Variants in BNC2 observed in about 807,000 individuals in gnomAD.
BNC2 encodes the protein basonuclin zinc finger protein 2.
In BNC2, 20 loss-of-function variants were observed where a neutral mutation model predicts 76.3. That is an observed-to-expected ratio of 0.26 (90% CI 0.18 to 0.38). The LOEUF is 0.38. Ranked by LOEUF, BNC2 falls within the 10% of genes least tolerant of loss-of-function variation. BNC2 has a pLI of 1.00. For missense variants in BNC2, 1,382 were observed against 1,399.8 expected (o/e 0.99, Z 0.20); for synonymous variants, 582 against 514.8 (o/e 1.13, Z -1.77).
chr9:16,471,496 G>A, intron 5 of BNC2, among the ~76,000 whole-genome samples: 1 of 152,078 alleles, frequency 6.6e-6, no homozygotes, highest in East Asian at 1.9e-4. Context: ...GTTTCACTAT[G>A]TTGGCCAGGC....
chr9:16,827,858 T>C (rs931420367), intron 1 of BNC2, among the ~76,000 whole-genome samples: 1 of 152,224 alleles, frequency 6.6e-6, no homozygotes, highest in African/African-American at 2.4e-5. Context: ...TCATGATTAA[T>C]GGCAACATGT....
chr9:16,854,878 C>T (rs1161379295), intron 1 of BNC2, among the ~76,000 whole-genome samples: 1 of 151,914 alleles, frequency 6.6e-6, no homozygotes. Flanking sequence ...GGAAAGGAGT[C>T]CAAAGTGTGC....
chr9:16,522,752 T>C (rs776084751), intron 5 of BNC2, among the ~76,000 whole-genome samples: 61 of 152,282 alleles, frequency 4.0e-4, no homozygotes, highest in Middle Eastern at 6.8e-3. Context: ...AAGAATGTTC[T>C]TCAGCTATTT....
intron 3 of BNC2, among the ~76,000 whole-genome samples, chr9:16,698,544 T>C (rs988764845): frequency 2.5e-4 from 38 of 151,880 alleles, no homozygotes; most frequent in African/African-American, 8.5e-4. Flanking sequence ...TACAAAAAAA[T>C]TAGCTGGGCG....
intron 3 of BNC2, among the ~76,000 whole-genome samples, chr9:16,683,513 A>G (rs183138219): frequency 6.6e-6 from 1 of 152,314 alleles, no homozygotes; most frequent in East Asian, 1.9e-4. Flanking sequence ...TACAAGCAGG[A>G]AAAGGAGATG....
At chr9:16,454,633 T>C (rs1821410213) in intron 5 of BNC2, among the ~76,000 whole-genome samples, 1 of 152,148 alleles carries the variant, frequency 6.6e-6, no homozygotes, top group Admixed American at 6.5e-5. Context: ...TTATACCTAA[T>C]TTGTTTCTGT....
chr9:16,592,995 C>T (rs902823651), intron 3 of BNC2, among the ~76,000 whole-genome samples: 2 of 151,636 alleles, frequency 1.3e-5, no homozygotes, highest in East Asian at 1.9e-4. Context: ...CAAATATTTG[C>T]GGGGCAAAAA....
chr9:16,815,116 C>G (rs540322966), intron 1 of BNC2, among the ~76,000 whole-genome samples: 2 of 151,966 alleles, frequency 1.3e-5, no homozygotes, highest in African/African-American at 4.8e-5. Context: ...AAGCAGCTGC[C>G]CAAATTAAAG....
intron 6 of BNC2, among the ~76,000 whole-genome samples, chr9:16,424,159 G>C (rs138179279): frequency 1.2e-3 from 178 of 151,660 alleles, no homozygotes; most frequent in African/African-American, 4.0e-3. Flanking sequence ...CATTAAGTTA[G>C]ATTTAATGTG....
intron 4 of BNC2, among the ~76,000 whole-genome samples, chr9:16,572,844 C>T (rs1399153531): frequency 6.6e-6 from 1 of 152,134 alleles, no homozygotes; most frequent in Admixed American, 6.5e-5. Flanking sequence ...CCAATTCTAA[C>T]TACTCTGCCA....
At chr9:16,631,120 T>C (rs980327898) in intron 3 of BNC2, among the ~76,000 whole-genome samples, 9 of 152,160 alleles carry the variant, frequency 5.9e-5, no homozygotes, top group Admixed American at 1.3e-4. Context: ...GTGTGTTCTC[T>C]ATAAAATCTC....
intron 5 of BNC2, among the ~76,000 whole-genome samples, chr9:16,460,753 A>C (rs925911406): frequency 6.6e-6 from 1 of 152,178 alleles, no homozygotes; most frequent in African/African-American, 2.4e-5. Flanking sequence ...TCAGTTACCC[A>C]GGTGTAAAAC....
chr9:16,438,792 G>A lies in BNC2; in HGVS notation c.670-1268C>T, dbSNP rs533107226. 5.3e-4 allele frequency among the ~76,000 whole-genome samples: 81 copies of A among 152,246 alleles called. 1 individual carries two copies. The South Asian group carries it at 0.016, about 30-fold the overall frequency. On this transcript the variant is annotated intron_variant, in intron 5 of 6. Coordinates refer to ENST00000380672, the MANE Select transcript of BNC2 (RefSeq NM_017637.6). Reference sequence around the variant, plus strand: ...CTAACAGACCCTACCTTAAAAGGGTGATCGACGTTACCACCGTGAGTAGAA... The same window carrying A: ...CTAACAGACCCTACCTTAAAAGGGTAATCGACGTTACCACCGTGAGTAGAA...
chr9:16,675,141 G>A (rs1822600462), intron 3 of BNC2, among the ~76,000 whole-genome samples: 1 of 152,156 alleles, frequency 6.6e-6, no homozygotes. Flanking sequence ...TAAAAATGTA[G>A]CCTCCTTGCA....
At chr9:16,677,472 C>T in intron 3 of BNC2, among the ~76,000 whole-genome samples, 1 of 151,998 alleles carries the variant, frequency 6.6e-6, no homozygotes, top group East Asian at 1.9e-4. Flanking sequence ...ACTCGGGAGG[C>T]TGAGGCAGGA....
chr9:16,863,513 G>C (rs1375365285), intron 1 of BNC2, among the ~76,000 whole-genome samples: 1 of 152,104 alleles, frequency 6.6e-6, no homozygotes, highest in Non-Finnish European at 1.5e-5. Flanking sequence ...TGGACAACAT[G>C]GTGAAACCTT....
intron 5 of BNC2, among the ~76,000 whole-genome samples, chr9:16,496,784 C>A (rs920032836): frequency 6.6e-6 from 1 of 152,144 alleles, no homozygotes; most frequent in Admixed American, 6.6e-5. Flanking sequence ...TCTTTAGAAG[C>A]CCAGGCTATG....
At chr9:16,673,723 C>G (rs776464602) in intron 3 of BNC2, among the ~76,000 whole-genome samples, 2 of 152,170 alleles carry the variant, frequency 1.3e-5, no homozygotes, top group Non-Finnish European at 2.9e-5. Context: ...TGATTTATAT[C>G]TTTGACTGTT....
At chr9:16,606,024 G>A (rs1820374133) in intron 3 of BNC2, among the ~76,000 whole-genome samples, 1 of 152,084 alleles carries the variant, frequency 6.6e-6, no homozygotes, top group Admixed American at 6.6e-5. Flanking sequence ...GATTACAGGC[G>A]TGACCCATGG....
Sources: allele counts gnomAD v4.1 joint callset (sites outside exome capture counted in the v4.1 genomes callset), GRCh38; gene constraint gnomAD v4.1.1; transcripts MANE v1.5; gene names NCBI Gene and HGNC (gene_info 2026-07-23, HGNC 2026-07-21).